SNTG1: variants seen among roughly 807,000 people sequenced by gnomAD.
SNTG1 encodes the protein syntrophin gamma 1.
SNTG1 carries 39 observed loss-of-function variants against 74.7 expected under a neutral mutation model. That is an observed-to-expected ratio of 0.52 (90% CI 0.40 to 0.68). SNTG1 has a LOEUF of 0.68. SNTG1 is among the 30% of genes least tolerant of loss of function. The pLI is 0.00. For synonymous variants in SNTG1, 254 were observed against 217.1 expected (o/e 1.17, Z -1.49); for missense variants, 685 against 609.5 (o/e 1.12, Z -1.30).
chr8:49,955,331 A>G (rs114449057), intron 1 of SNTG1, among the ~76,000 whole-genome samples: 1,966 of 152,344 alleles, frequency 0.013, 50 homozygotes, highest in African/African-American at 0.043. Context: ...GTTGTCTTCC[A>G]ATAGAGTTCC....
chr8:50,696,345 T>A (rs990734020), intron 15 of SNTG1, among the ~76,000 whole-genome samples: 2 of 152,092 alleles, frequency 1.3e-5, no homozygotes, highest in African/African-American at 4.8e-5. Flanking sequence ...GTTGTCTGAG[T>A]TCCTCATAGA....
At chr8:50,713,861 C>A (rs955217203) in intron 17 of SNTG1, among the ~76,000 whole-genome samples, 8 of 151,930 alleles carry the variant, frequency 5.3e-5, no homozygotes, top group Non-Finnish European at 1.0e-4. Flanking sequence ...AGTTTAAGAC[C>A]AGCATGACCA....
At position 50,780,488 on chromosome 8, in the gene SNTG1, C is replaced by T. The variant is rs558246632; in HGVS notation, c.1396-12183C>T. On this transcript the variant is annotated intron_variant, in intron 18 of 18. Transcript: ENST00000642720. ...TCTTCTAGATTTTCTAGTTTATTTG[C>T]ATAGAGGTGTTTGTAGTATTCTCTG... is the stretch of plus-strand genomic sequence containing the variant. 2.0e-5 allele frequency among the ~76,000 whole-genome samples: 3 copies of T among 152,266 alleles called. No individual in the cohort carries two copies. In the East Asian group the frequency reaches 5.8e-4, roughly 29 times the overall value.
At chr8:50,726,006 G>T (rs185415540) in intron 17 of SNTG1, among the ~76,000 whole-genome samples, 2 of 152,234 alleles carry the variant, frequency 1.3e-5, no homozygotes, top group Admixed American at 1.3e-4. Context: ...TCCCTCTCAG[G>T]TTATAACACA....
At chr8:50,720,761 GAGTATAAAT>G (rs1807132726) in intron 17 of SNTG1, among the ~76,000 whole-genome samples, 1 of 152,180 alleles carries the variant, frequency 6.6e-6, no homozygotes, top group Admixed American at 6.5e-5. Context: ...GATGTGAGAA[GAGTATAAAT>G]AGATACTGCC....
At chr8:50,623,437 G>C (rs2094936281) in intron 13 of SNTG1, among the ~76,000 whole-genome samples, 1 of 151,974 alleles carries the variant, frequency 6.6e-6, no homozygotes, top group Non-Finnish European at 1.5e-5. Context: ...TTTTCTTGTA[G>C]AATATAGTTG....
At chr8:49,949,803 A>G (rs1257994146) in intron 1 of SNTG1, among the ~76,000 whole-genome samples, 1 of 152,174 alleles carries the variant, frequency 6.6e-6, no homozygotes, top group African/African-American at 2.4e-5. Flanking sequence ...TTTGTGGTCA[A>G]TTGTTAGTGG....
intron 9 of SNTG1, among the ~76,000 whole-genome samples, chr8:50,508,497 C>A (rs2129859151): frequency 6.6e-6 from 1 of 152,308 alleles, no homozygotes; most frequent in South Asian, 2.1e-4. Context: ...AATCGCCACA[C>A]TGACTTCCAC....
At chr8:50,512,030 G>A (rs1334595614) in intron 9 of SNTG1, among the ~76,000 whole-genome samples, 3 of 151,982 alleles carry the variant, frequency 2.0e-5, no homozygotes, top group South Asian at 2.1e-4. Flanking sequence ...TTACAATTTG[G>A]CATGTTTTTG....
intron 2 of SNTG1, among the ~76,000 whole-genome samples, chr8:50,219,249 A>C (rs963609381): frequency 6.6e-6 from 1 of 152,320 alleles, no homozygotes; most frequent in Non-Finnish European, 1.5e-5. Flanking sequence ...ATTAACTTTA[A>C]GAAGCTCCCA....
At chr8:50,353,881 C>T (rs1290599712) in intron 2 of SNTG1, among the ~76,000 whole-genome samples, 2 of 152,184 alleles carry the variant, frequency 1.3e-5, no homozygotes, top group Admixed American at 6.5e-5. Flanking sequence ...TCTTCAGCAA[C>T]AAATCACATG....
At chr8:50,775,882 T>C (rs1423209581) in intron 18 of SNTG1, among the ~76,000 whole-genome samples, 2 of 151,658 alleles carry the variant, frequency 1.3e-5, no homozygotes, top group Non-Finnish European at 3.0e-5. Flanking sequence ...TTTCATCCAA[T>C]AATTTTCTTT....
intron 13 of SNTG1, among the ~76,000 whole-genome samples, chr8:50,642,165 C>G: frequency 6.6e-6 from 1 of 152,112 alleles, no homozygotes; most frequent in Admixed American, 6.6e-5. Context: ...TTCTATCACT[C>G]TTAACTTCCA....
rs1251201500 is a variant in SNTG1 at position 50,594,674 on chromosome 8, CT to C, written c.849+3760del. 2.6e-5 allele frequency among the ~76,000 whole-genome samples: 4 copies of C among 151,948 alleles called. No individual in the cohort carries two copies. In the East Asian group the frequency reaches 7.7e-4, roughly 29 times the overall value. On this transcript the variant is annotated intron_variant, in intron 13 of 18. Transcript: ENST00000642720. ...GGGAGAATTAGGGAATTACAGGACA[CT>C]TTAAAAATCTATTTCTGTAGTGGTA...
intron 4 of SNTG1, among the ~76,000 whole-genome samples, chr8:50,421,882 GA>G (rs1200315966): frequency 6.6e-6 from 1 of 152,146 alleles, no homozygotes; most frequent in Non-Finnish European, 1.5e-5. Flanking sequence ...TGAAATTACA[GA>G]CATAATGCAG....
chr8:49,975,886 AT>A (rs1193395459), intron 1 of SNTG1, among the ~76,000 whole-genome samples: 1 of 151,830 alleles, frequency 6.6e-6, no homozygotes, highest in Non-Finnish European at 1.5e-5. Flanking sequence ...TTTCTTCAAC[AT>A]TTTTTCCTAC....
At chr8:50,652,460 C>T (rs1227346006) in intron 13 of SNTG1, among the ~76,000 whole-genome samples, 1 of 151,952 alleles carries the variant, frequency 6.6e-6, no homozygotes, top group Non-Finnish European at 1.5e-5. Flanking sequence ...TTGTTCATTT[C>T]TTTTGTTGTA....
At chr8:50,213,185 A>T (rs1374844955) in intron 2 of SNTG1, among the ~76,000 whole-genome samples, 1 of 152,180 alleles carries the variant, frequency 6.6e-6, no homozygotes, top group Non-Finnish European at 1.5e-5. Flanking sequence ...ATATTTCTAG[A>T]AGGAAATAAA....
At chr8:50,384,184 C>T (rs1348029531) in intron 2 of SNTG1, among the ~76,000 whole-genome samples, 1 of 152,164 alleles carries the variant, frequency 6.6e-6, no homozygotes, top group Non-Finnish European at 1.5e-5. Context: ...TGCCACCTGG[C>T]TGATGCCATA....
Sources: gnomAD v4.1 joint callset for allele counts (sites outside exome capture counted in the v4.1 genomes callset) on GRCh38, gnomAD v4.1.1 for gene constraint, MANE v1.5 for transcripts, NCBI Gene and HGNC (gene_info 2026-07-23, HGNC 2026-07-21) for gene names.